DDX10: variants seen among roughly 807,000 people sequenced by gnomAD.
The protein encoded by DDX10 is probable ATP-dependent RNA helicase DDX10.
Under a neutral mutation model 104.3 loss-of-function variants are expected in DDX10, and 74 were observed. The observed-to-expected ratio is 0.71, with a 90% confidence interval of 0.59 to 0.86. The LOEUF is 0.86. DDX10 is among the 40% of genes least tolerant of loss of function. DDX10 has a pLI of 0.00. For synonymous variants in DDX10, 351 were observed against 353.4 expected (o/e 0.99, Z 0.08); for missense variants, 952 against 1,040.0 (o/e 0.92, Z 1.16).
chr11:108,743,096 A>G (rs1287841935), intron 13 of DDX10, among the ~76,000 whole-genome samples: 4 of 152,190 alleles, frequency 2.6e-5, no homozygotes, highest in South Asian at 4.1e-4. Context: ...CTTCAGGTCA[A>G]TATCCTTGAT....
At chr11:108,918,588 A>C (rs1591125441) in intron 17 of DDX10, 1 of 152,292 alleles carries the variant, frequency 6.6e-6, no homozygotes, top group South Asian at 2.1e-4. Context: ...CAGGAGTTTG[A>C]GACCAGCCTG....
At chr11:108,896,861 A>G (rs576290038) in intron 16 of DDX10, among the ~76,000 whole-genome samples, 1 of 152,142 alleles carries the variant, frequency 6.6e-6, no homozygotes, top group South Asian at 2.1e-4. Context: ...GTTTCAGTTG[A>G]CTGGGGGGAA....
chr11:108,775,167 T>G (rs1276359050), intron 13 of DDX10, among the ~76,000 whole-genome samples: 2 of 152,224 alleles, frequency 1.3e-5, no homozygotes, highest in Non-Finnish European at 2.9e-5. Context: ...AAAGCTGTCT[T>G]TAGCTCATTA....
intron 7 of DDX10, among the ~76,000 whole-genome samples, chr11:108,691,550 G>T (rs1313131905): frequency 1.3e-5 from 2 of 152,158 alleles, no homozygotes; most frequent in Non-Finnish European, 2.9e-5. Context: ...AGTCTGAGAG[G>T]AAAGTTCAGT....
intron 13 of DDX10, among the ~76,000 whole-genome samples, chr11:108,791,714 C>T (rs1861873941): frequency 6.6e-6 from 1 of 152,114 alleles, no homozygotes; most frequent in South Asian, 2.1e-4. Context: ...TGTTTCTCTA[C>T]TAGTTTTGGG....
intron 5 of DDX10, 41 bp from the exon 6 acceptor site, chr11:108,679,330 A>T: frequency 6.6e-7 from 1 of 1,513,578 alleles, no homozygotes; most frequent in Non-Finnish European, 8.9e-7. Flanking sequence ...CCTAATGTAT[A>T]TTTTACATAT....
intron 13 of DDX10, among the ~76,000 whole-genome samples, chr11:108,740,402 G>C (rs1158353751): frequency 2.6e-5 from 4 of 152,124 alleles, no homozygotes; most frequent in African/African-American, 9.7e-5. Flanking sequence ...GAGCATTTAG[G>C]TTGATTCCAT....
chr11:108,804,759 G>A (rs963615769), intron 13 of DDX10, among the ~76,000 whole-genome samples: 31 of 152,104 alleles, frequency 2.0e-4, no homozygotes, highest in African/African-American at 5.8e-4. Flanking sequence ...CTGTATGACC[G>A]AAGCCTTCAC....
chr11:108,689,498 G>C (rs1217486413), intron 7 of DDX10, among the ~76,000 whole-genome samples: 3 of 151,950 alleles, frequency 2.0e-5, no homozygotes, highest in African/African-American at 4.8e-5. Context: ...TTACTTTGAG[G>C]CTAAGTTCAA....
At chr11:108,924,196 A>C (rs1863878280) in intron 17 of DDX10, among the ~76,000 whole-genome samples, 1 of 152,174 alleles carries the variant, frequency 6.6e-6, no homozygotes, top group Non-Finnish European at 1.5e-5. Context: ...AACCTTTTTC[A>C]AACAAAAAAA....
chr11:108,737,549 G>A (rs2094319843), intron 13 of DDX10, among the ~76,000 whole-genome samples: 1 of 152,266 alleles, frequency 6.6e-6, no homozygotes, highest in South Asian at 2.1e-4. Context: ...CTAGGCTCTA[G>A]AAAAAAGTGC....
intron 9 of DDX10, among the ~76,000 whole-genome samples, chr11:108,706,006 C>T (rs1782311875): frequency 6.6e-6 from 1 of 151,922 alleles, no homozygotes; most frequent in South Asian, 2.1e-4. Context: ...GAATCTTGCT[C>T]TGTTGCCCAG....
chr11:108,856,256 C>T (rs976955470), intron 16 of DDX10, among the ~76,000 whole-genome samples: 1 of 152,026 alleles, frequency 6.6e-6, no homozygotes, highest in African/African-American at 2.4e-5. Flanking sequence ...ATGGCAAAAC[C>T]CTGTCTCTAC....
At chr11:108,847,823 C>G (rs1396030708) in intron 15 of DDX10, among the ~76,000 whole-genome samples, 1 of 152,202 alleles carries the variant, frequency 6.6e-6, no homozygotes. Flanking sequence ...CTTCTGAAAT[C>G]AGTGAGCTAG....
intron 1 of DDX10, 45 bp from the exon 2 acceptor site, chr11:108,673,422 C>T (rs201722813): frequency 2.5e-5 from 33 of 1,312,586 alleles, no homozygotes; most frequent in African/African-American, 1.2e-4. Context: ...ATGGCTGTGT[C>T]GTGAAACAAA....
At chr11:108,700,458 G>T (rs2094266156) in intron 9 of DDX10, among the ~76,000 whole-genome samples, 1 of 152,174 alleles carries the variant, frequency 6.6e-6, no homozygotes, top group Non-Finnish European at 1.5e-5. Context: ...TACATCTAAT[G>T]GATTACATCT....
At chr11:108,735,250 T>C (rs980807171) in intron 13 of DDX10, among the ~76,000 whole-genome samples, 2 of 152,230 alleles carry the variant, frequency 1.3e-5, no homozygotes, top group African/African-American at 4.8e-5. Context: ...TGCCGGCTTA[T>C]TAAGTGAAGA....
chr11:108,880,695 G>A (rs754938967), intron 16 of DDX10, among the ~76,000 whole-genome samples: 7 of 152,210 alleles, frequency 4.6e-5, no homozygotes, highest in Non-Finnish European at 1.0e-4. Context: ...TTGCTCTGTA[G>A]CTAACAGGGA....
chr11:108,919,363 G>T (rs1028307497), intron 17 of DDX10: 1 of 152,184 alleles, frequency 6.6e-6, no homozygotes, highest in African/African-American at 2.4e-5. Context: ...AAATAATTTA[G>T]GTTCTGGGCA....
Sources: gnomAD v4.1 joint callset for allele counts (sites outside exome capture counted in the v4.1 genomes callset) on GRCh38, gnomAD v4.1.1 for gene constraint, MANE v1.5 for transcripts, NCBI Gene and HGNC (gene_info 2026-07-23, HGNC 2026-07-21) for gene names.